The following KIF9 variants were observed in gnomAD, a reference collection of about 807,000 sequenced individuals.
KIF9 encodes the protein kinesin family member 9.
In KIF9, 68 loss-of-function variants were observed where a neutral mutation model predicts 94.8. That is an observed-to-expected ratio of 0.72 (90% confidence interval 0.59 to 0.88). The LOEUF is 0.88. Ranked by LOEUF, KIF9 falls within the 40% of genes least tolerant of loss-of-function variation. The probability of loss-of-function intolerance (pLI) is 0.00; values close to 1 mark genes in which losing one functional copy is unlikely to be tolerated. For synonymous variants in KIF9, 343 were observed against 362.1 expected (o/e 0.95, Z 0.60); for missense variants, 882 against 982.5 (o/e 0.90, Z 1.37).
intron 7 of KIF9, 46 bp downstream of exon 7, chr3:47,266,930 G>A (rs747000056): frequency 2.2e-6 from 3 of 1,394,450 alleles, no homozygotes; most frequent in African/African-American, 2.8e-5. Flanking sequence ...GCCAGAAAAA[G>A]GGCTTGTGGT....
chr3:47,260,449 G>A (rs908541545), intron 9 of KIF9, among the ~76,000 whole-genome samples: 5 of 151,820 alleles, frequency 3.3e-5, no homozygotes, highest in Non-Finnish European at 7.4e-5. Context: ...CAAATCTCTC[G>A]TCCCACCTTA....
At position 47,236,671 on chromosome 3, in the gene KIF9, G is replaced by A. The variant is rs749679670; in HGVS notation, c.1925-52C>T. 9 of 1,523,924 alleles carry A rather than the reference G, an allele frequency of 5.9e-6. No homozygotes were observed. The East Asian group carries it at 1.1e-4, about 19-fold the overall frequency. The allele number at this position is 1,523,924 out of a possible 1,614,324, so 94.4% of individuals were successfully genotyped here. On this transcript the variant is annotated intron_variant, in intron 17 of 20. Coordinates refer to ENST00000684063, the MANE Select transcript of KIF9 (RefSeq NM_182902.4). Reference sequence around the variant, plus strand: ...AATGAGGAGGTGTCCACCTGAAATTGGGGGAGGAAGGGATTCCAGAAGGTG... The same window carrying A: ...AATGAGGAGGTGTCCACCTGAAATTAGGGGAGGAAGGGATTCCAGAAGGTG...
intron 2 of KIF9, among the ~76,000 whole-genome samples, chr3:47,276,597 G>C (rs1210252617): frequency 6.6e-6 from 1 of 151,330 alleles, no homozygotes; most frequent in Non-Finnish European, 1.5e-5. Context: ...AGAAAGACTT[G>C]GTCCACTCAC....
At chr3:47,233,859 G>A (rs1575918153) in intron 20 of KIF9, among the ~76,000 whole-genome samples, 1 of 152,272 alleles carries the variant, frequency 6.6e-6, no homozygotes, top group East Asian at 1.9e-4. Context: ...GGAGGCCAAG[G>A]CGGGTCGATC....
Position 47,228,444 on chromosome 3 carries a change from A to G in KIF9, c.*208T>C. The G allele has an allele frequency of 1.6e-6, 1 of 619,824 alleles. No individual in the cohort carries two copies. The highest frequency in any genetic ancestry group is 2.9e-6 in the Non-Finnish European group (1 of 342,360). The allele number at this position is 619,824 out of a possible 1,614,324, so 38.4% of individuals were successfully genotyped here. On this transcript the variant is annotated 3_prime_UTR_variant, in exon 21 of 21. Transcript: ENST00000684063. The stretch of plus-strand genomic sequence containing the variant: ...TTTATCCTGTCCCTGCATATAAGAC[A>G]GTGAATTAAAACCCAAAGTGCTCTG...
At chr3:47,229,791 T>C (rs1210620223) in intron 20 of KIF9, among the ~76,000 whole-genome samples, 1 of 151,740 alleles carries the variant, frequency 6.6e-6, no homozygotes, top group Non-Finnish European at 1.5e-5. Context: ...CGGAGTACAG[T>C]GGCGCAATCT....
chr3:47,241,024 G>A lies in KIF9; in HGVS notation c.1710-9C>T. On this transcript the variant is annotated splice_polypyrimidine_tract_variant and intron_variant, in intron 16 of 20. Coordinates refer to ENST00000684063, the MANE Select transcript of KIF9 (RefSeq NM_182902.4). ...AGGGTGGGGTGTCGGGCCTTGAGAT[G>A]AAAAGGTGAGACCAAAGAGGATAAA... 2 of 1,612,722 alleles carry A rather than the reference G, an allele frequency of 1.2e-6. No homozygotes were observed. Among genetic ancestry groups the A allele is most frequent in the Non-Finnish European group, 1.7e-6 (2 of 1,178,778 alleles).
Position 47,236,455 on chromosome 3 carries a change from G to A in KIF9, c.2089C>T (p.Arg697Cys), listed in dbSNP as rs139193709. 41 of 1,613,014 alleles carry A rather than the reference G, an allele frequency of 2.5e-5. No homozygotes were observed. The highest frequency in any genetic ancestry group is 1.9e-4 in the Middle Eastern group (1 of 5,198). Residue 697 changes from arginine to cysteine, a missense_variant, in exon 18 of 21, where the codon CGC (arginine) becomes TGC (cysteine). Physicochemically the swap from Arg to Cys is radical, Grantham distance 180 (BLOSUM62 -3). Coordinates refer to ENST00000684063, the MANE Select transcript of KIF9 (RefSeq NM_182902.4). ...CCAACTGTCGCACCCATGAGCAGGC[G>A]GTGGCGACACTGATCCACTAGGTGC... ...CQHLVDQCRH[R>C]LLMEFDIWYN...
intron 20 of KIF9, among the ~76,000 whole-genome samples, chr3:47,233,361 C>CAAAAAA (rs966425803): frequency 3.8e-5 from 1 of 26,324 alleles, no homozygotes; most frequent in Non-Finnish European, 8.1e-5. Flanking sequence ...GACTCTGTCT[C>CAAAAAA]AAAAAAAAAA....
intron 1 of KIF9, among the ~76,000 whole-genome samples, chr3:47,281,505 G>T (rs1702350782): frequency 6.6e-6 from 1 of 151,994 alleles, no homozygotes; most frequent in South Asian, 2.1e-4. Flanking sequence ...GCACCACCAC[G>T]CCCGGGTAAT....
At chr3:47,246,329 A>C in intron 12 of KIF9, 77 bp from the exon 13 acceptor site, 1 of 1,219,498 alleles carries the variant, frequency 8.2e-7, no homozygotes, top group Admixed American at 2.0e-5. Flanking sequence ...TTAGTAGAGA[A>C]ATCAAGACCC....
intron 9 of KIF9, among the ~76,000 whole-genome samples, chr3:47,259,777 A>G (rs2107375518): frequency 7.1e-6 from 1 of 140,532 alleles, no homozygotes; most frequent in African/African-American, 2.7e-5. Flanking sequence ...CATGCTCCTT[A>G]AGAGTCATCA....
chr3:47,241,587 G>A (rs1222377559), intron 16 of KIF9, among the ~76,000 whole-genome samples: 9 of 151,326 alleles, frequency 5.9e-5, no homozygotes, highest in Non-Finnish European at 1.2e-4. Context: ...CTCCCAAAGT[G>A]CTGGGATTAC....
rs1024902732 is a variant in KIF9 at position 47,266,978 on chromosome 3, C to G, written c.766G>C (p.Gly256Arg). Residue 256 changes from glycine to arginine, a missense_variant and splice_region_variant, in exon 7 of 21, where the codon GGG becomes CGG. Transcript: ENST00000684063. ...AACCTCCAGCCCCCATCACTTACCC[C>G]AGACTTCCCCAGCCTCTCTGAGCCT... ...LAGSERLGKSGSEGQVLKEAT... is the reference protein window; with the variant it reads ...LAGSERLGKSRSEGQVLKEAT... 2 of 1,613,048 alleles carry G rather than the reference C, an allele frequency of 1.2e-6. No individual in the cohort carries two copies. The highest frequency in any genetic ancestry group is 1.7e-6 in the Non-Finnish European group (2 of 1,179,306).
At chr3:47,259,833 G>T (rs1171758244) in intron 9 of KIF9, among the ~76,000 whole-genome samples, 2 of 100,186 alleles carry the variant, frequency 2.0e-5, no homozygotes, top group African/African-American at 4.0e-5. Context: ...ACTGCGGAAG[G>T]CCGCAGGGAC....
chr3:47,262,419 G>A (rs551307324), intron 9 of KIF9, among the ~76,000 whole-genome samples: 6 of 151,688 alleles, frequency 4.0e-5, no homozygotes, highest in South Asian at 2.1e-4. Flanking sequence ...ACAGGCGCCC[G>A]CCACCACACT....
chr3:47,235,771 G>A (rs1308001925), intron 19 of KIF9, among the ~76,000 whole-genome samples, 154 bp from the exon 20 acceptor site: 1 of 152,208 alleles, frequency 6.6e-6, no homozygotes, highest in African/African-American at 2.4e-5. Context: ...CCCCATGTCT[G>A]TCAGTGTTCC....
intron 9 of KIF9, among the ~76,000 whole-genome samples, chr3:47,261,375 T>A (rs577162759): frequency 6.6e-6 from 1 of 152,302 alleles, no homozygotes; most frequent in Non-Finnish European, 1.5e-5. Flanking sequence ...AGGATAATTA[T>A]GGCTGGAGGC....
intron 17 of KIF9, chr3:47,239,842 C>G (rs1699334891): frequency 1.5e-6 from 2 of 1,367,840 alleles, no homozygotes; most frequent in Non-Finnish European, 2.0e-6. Context: ...ATCTGGAGAT[C>G]ACTCATGGAA....
Sources: allele counts gnomAD v4.1 joint callset (sites outside exome capture counted in the v4.1 genomes callset), GRCh38; gene constraint gnomAD v4.1.1; transcripts MANE v1.5; gene names NCBI Gene and HGNC (gene_info 2026-07-23, HGNC 2026-07-21).